ACSL1: variants seen among roughly 807,000 people sequenced by gnomAD.
ACSL1 encodes the protein acyl-CoA synthetase long chain family member 1, also known as long-chain-fatty-acid--CoA ligase 1.
ACSL1 carries 41 observed loss-of-function variants against 98.4 expected under a neutral mutation model. That is an observed-to-expected ratio of 0.42 (90% confidence interval 0.32 to 0.54). The LOEUF is 0.54. ACSL1 is among the 20% of genes least tolerant of loss of function. The probability of loss-of-function intolerance (pLI) is 0.13; values close to 1 mark genes in which losing one functional copy is unlikely to be tolerated. For missense variants in ACSL1, 734 were observed against 883.1 expected (o/e 0.83, Z 2.14); for synonymous variants, 316 against 322.7 (o/e 0.98, Z 0.22).
At chr4:184,792,281 G>A (rs964911722) in intron 2 of ACSL1, among the ~76,000 whole-genome samples, 11 of 152,142 alleles carry the variant, frequency 7.2e-5, no homozygotes, top group African/African-American at 2.4e-4. Flanking sequence ...TTGAAGGCTC[G>A]ATGATACGGG....
At chr4:184,817,663 A>G (rs1321835253) in intron 1 of ACSL1, among the ~76,000 whole-genome samples, 1 of 152,190 alleles carries the variant, frequency 6.6e-6, no homozygotes, top group African/African-American at 2.4e-5. Flanking sequence ...TGCCTGCAAA[A>G]GCCTGCAAAA....
intron 2 of ACSL1, among the ~76,000 whole-genome samples, chr4:184,797,161 C>T (rs1310591992): frequency 2.6e-5 from 3 of 113,946 alleles, no homozygotes; most frequent in Admixed American, 2.5e-4. Context: ...CAACAGCTCC[C>T]GCTCACAGCG....
chr4:184,768,492 C>T (rs761492265), intron 11 of ACSL1, 42 bp from the exon 12 acceptor site: 1 of 1,590,136 alleles, frequency 6.3e-7, no homozygotes, highest in Non-Finnish European at 8.5e-7. Flanking sequence ...ATCACCACAG[C>T]AGGGGTTACA....
intron 1 of ACSL1, chr4:184,812,154 A>G: frequency 1.0e-6 from 1 of 982,584 alleles, no homozygotes; most frequent in Non-Finnish European, 1.2e-6. Context: ...CCTGTCTTAC[A>G]CTTACAGCGA....
intron 1 of ACSL1, among the ~76,000 whole-genome samples, chr4:184,817,802 G>A (rs1345315664): frequency 6.6e-6 from 1 of 152,152 alleles, no homozygotes; most frequent in Non-Finnish European, 1.5e-5. Context: ...TGAAGAGACT[G>A]AGCCGGCCTC....
In ACSL1 at chr4:184,762,455, C is replaced by T; in HGVS notation, c.1590G>A (p.Leu530=). The stretch of plus-strand genomic sequence containing the variant: ...CTGTGTGTAACCAGCCGTCTTTGTC[C>T]AAAGCTTCTGCTGTTTTCGCTGGGT... ...LKDPAKTAEA[L]DKDGWLHTGD... Residue 530 remains leucine (L), a synonymous_variant, in exon 17 of 21, where the codon TTG becomes TTA. Transcript: ENST00000281455. 1 of 1,614,226 alleles carries T rather than the reference C, an allele frequency of 6.2e-7. No individual in the cohort carries two copies. The highest frequency in any genetic ancestry group is 8.5e-7 in the Non-Finnish European group (1 of 1,180,042).
In ACSL1 at chr4:184,762,494, C is replaced by G; in HGVS notation, c.1551G>C (p.Gln517His). 6.2e-7 allele frequency: 1 copy of G among 1,614,178 alleles called. No individual in the cohort carries two copies. The highest frequency in any genetic ancestry group is 1.7e-5 in the Admixed American group (1 of 60,022). The change falls in exon 17 of 21, where the codon CAG (glutamine) becomes CAC (histidine). Residue 517 changes from glutamine (Q) to histidine (H), a missense_variant. By Grantham distance (24) the Gln-to-His change is conservative. Transcript: ENST00000281455. Reference protein sequence around the residue: ...EVCVKGPNVFQGYLKDPAKTA... With the variant: ...EVCVKGPNVFHGYLKDPAKTA... ...TTTTCGCTGGGTCCTTCAAGTAGCC[C>G]TGAAATACATTTGGCCCTTTCACAC... is the stretch of plus-strand genomic sequence containing the variant.
At chr4:184,776,077 A>G (rs907745698) in intron 7 of ACSL1, among the ~76,000 whole-genome samples, 2 of 152,246 alleles carry the variant, frequency 1.3e-5, no homozygotes, top group African/African-American at 2.4e-5. Flanking sequence ...CGAGCCATCC[A>G]GGGAAAAGAA....
chr4:184,787,765 G>A (rs1463745315), intron 3 of ACSL1, among the ~76,000 whole-genome samples: 1 of 152,074 alleles, frequency 6.6e-6, no homozygotes, highest in Non-Finnish European at 1.5e-5. Context: ...TCAGGAGGCT[G>A]AGGCAGGAGA....
At chr4:184,815,697 C>T (rs1368679476) in intron 1 of ACSL1, among the ~76,000 whole-genome samples, 2 of 152,222 alleles carry the variant, frequency 1.3e-5, no homozygotes, top group Admixed American at 6.6e-5. Context: ...TAGCAGGACA[C>T]GGGTGAGAAG....
intron 12 of ACSL1, among the ~76,000 whole-genome samples, chr4:184,767,778 G>A (rs896597861): frequency 5.9e-5 from 9 of 152,094 alleles, no homozygotes; most frequent in African/African-American, 1.9e-4. Flanking sequence ...CATGCCCCTC[G>A]CGCCTGGCCC....
intron 17 of ACSL1, 97 bp from the exon 18 acceptor site, chr4:184,760,597 TATTG>T: frequency 1.4e-6 from 2 of 1,477,578 alleles, no homozygotes; most frequent in South Asian, 1.3e-5. Context: ...TAATACACAC[TATTG>T]ATTAATTCTA....
Position 184,757,295 on chromosome 4 carries a change from A to T in ACSL1, c.1957-30T>A. On this transcript the variant is annotated intron_variant, in intron 20 of 20. Coordinates refer to ENST00000281455, the MANE Select transcript of ACSL1 (RefSeq NM_001995.5). This position sits in a 1 kb window ranked among gnomAD's most constrained non-coding sequence, Gnocchi z 4.5. The stretch of plus-strand genomic sequence containing the variant: ...CAATAAACAAGGCAGTTAAAAGAGG[A>T]AAAAGGACACGGGCCACCAGTCTCA... 6.4e-7 allele frequency: 1 copy of T among 1,574,184 alleles called. No homozygotes were observed. Among genetic ancestry groups the T allele is most frequent in the Non-Finnish European group, 8.7e-7 (1 of 1,152,366 alleles).
At chr4:184,779,321 C>T (rs1765828629) in intron 5 of ACSL1, among the ~76,000 whole-genome samples, 1 of 152,180 alleles carries the variant, frequency 6.6e-6, no homozygotes, top group Admixed American at 6.5e-5. Flanking sequence ...TTTGCTTCTT[C>T]CGCATTTTCT....
chr4:184,767,361 G>C (rs1763776221), intron 12 of ACSL1, among the ~76,000 whole-genome samples: 1 of 151,772 alleles, frequency 6.6e-6, no homozygotes, highest in Non-Finnish European at 1.5e-5. Context: ...GCCGTTAAAA[G>C]GAATGAAGTG....
intron 11 of ACSL1, among the ~76,000 whole-genome samples, chr4:184,770,059 G>T (rs1764257673): frequency 6.6e-6 from 1 of 152,158 alleles, no homozygotes; most frequent in African/African-American, 2.4e-5. Flanking sequence ...TTTATAGTTG[G>T]TTTTTCTGGA....
rs914438737 is a variant in ACSL1, at chr4:184,766,544, T to C, written c.1263+78A>G. 6.5e-7 allele frequency: 1 copy of C among 1,537,974 alleles called. No homozygotes were observed. The stretch of plus-strand genomic sequence containing the variant: ...TCTCCCTTACCTTCATCTCTCCCTC[T>C]CACAAAAAAGGCCCTCCCAGAACTC... On this transcript the variant is annotated intron_variant, in intron 13 of 20. Transcript: ENST00000281455. The surrounding 1 kb of genome is among the most constrained non-coding windows in gnomAD (Gnocchi z 4.8).
chr4:184,820,640 T>C (rs1455043988), intron 1 of ACSL1, among the ~76,000 whole-genome samples: 2 of 152,138 alleles, frequency 1.3e-5, no homozygotes, highest in Admixed American at 6.5e-5. Context: ...AGTCTCACTC[T>C]GTCACCCAGG....
At chr4:184,778,375 A>T (rs1765648201) in intron 5 of ACSL1, among the ~76,000 whole-genome samples, 1 of 152,202 alleles carries the variant, frequency 6.6e-6, no homozygotes. Context: ...AACAACATAG[A>T]AATCAGGTCC....
Sources: allele counts gnomAD v4.1 joint callset (sites outside exome capture counted in the v4.1 genomes callset), GRCh38; gene constraint gnomAD v4.1.1; non-coding constraint Gnocchi (gnomAD v3.1); transcripts MANE v1.5; gene names NCBI Gene and HGNC (gene_info 2026-07-23, HGNC 2026-07-21).